FXR1: variants seen among roughly 807,000 people sequenced by gnomAD.
FXR1 encodes RNA-binding protein FXR1.
Under a neutral mutation model 84.0 loss-of-function variants are expected in FXR1, and 15 were observed. The ratio of observed to expected loss-of-function variants is 0.18; its 90% CI spans 0.12 to 0.27. The LOEUF is 0.27. Among genes scored for constraint, FXR1 ranks in the 10% least tolerant of loss-of-function variants. FXR1 has a pLI of 1.00. For missense variants in FXR1, 480 were observed against 774.4 expected, an observed-to-expected ratio of 0.62 and a Z score of 4.51; for synonymous variants, 245 against 250.7, an observed-to-expected ratio of 0.98 and a Z score of 0.21.
chr3:180,934,378 C>T (rs767035332), intron 2 of FXR1, among the ~76,000 whole-genome samples: 1 of 152,098 alleles, frequency 6.6e-6, no homozygotes, highest in Non-Finnish European at 1.5e-5. Flanking sequence ...TAGTATACTT[C>T]CCAGACATAT....
intron 13 of FXR1, among the ~76,000 whole-genome samples, chr3:180,965,021 C>CA (rs1712634069): frequency 6.9e-6 from 1 of 145,458 alleles, no homozygotes; most frequent in Admixed American, 6.9e-5. Context: ...TGTTTTGTTA[C>CA]TTTTTTTTTT....
At chr3:180,931,026 C>CA (rs57731098) in intron 1 of FXR1, among the ~76,000 whole-genome samples, 4,243 of 55,458 alleles carry the variant, frequency 0.077, 336 homozygotes, top group East Asian at 0.16. Flanking sequence ...GAGACTGCCT[C>CA]AAAAAAAAAA....
At chr3:180,968,774 T>C (rs1479282532) in intron 14 of FXR1, among the ~76,000 whole-genome samples, 1 of 152,316 alleles carries the variant, frequency 6.6e-6, no homozygotes, top group African/African-American at 2.4e-5. Context: ...AGTGTTTGGA[T>C]GACTAAAGAT....
At chr3:180,925,218 G>A (rs890677660) in intron 1 of FXR1, among the ~76,000 whole-genome samples, 5 of 151,966 alleles carry the variant, frequency 3.3e-5, no homozygotes, top group African/African-American at 4.8e-5. Flanking sequence ...AAAGTTAGCC[G>A]GGCATGGTGG....
intron 10 of FXR1, among the ~76,000 whole-genome samples, chr3:180,959,026 T>A (rs1277912174): frequency 1.3e-5 from 2 of 152,110 alleles, no homozygotes; most frequent in Non-Finnish European, 2.9e-5. Flanking sequence ...CAGGATGGTC[T>A]CGATCTCTTG....
rs1286770302 is a variant in FXR1, at chr3:180,977,842, A to G, written c.*1550A>G. ...TAATTCAGGGTATAGTTAAAAATGT[A>G]CAATGTGCCAGTTCAGTATATATAA... On this transcript the variant is annotated 3_prime_UTR_variant, in exon 17 of 17. Transcript: ENST00000357559. 6.6e-6 allele frequency: 1 copy of G among 152,110 alleles called. No individual in the cohort carries two copies. The highest frequency in any genetic ancestry group is 1.5e-5 in the Non-Finnish European group (1 of 67,976). 9.4% of individuals were successfully genotyped at this position (152,110 alleles called of 1,614,324 possible). A position where few individuals can be genotyped will look rare whatever the true frequency, so the allele number is the denominator to read the frequency against.
At chr3:180,924,795 A>G (rs919267932) in intron 1 of FXR1, among the ~76,000 whole-genome samples, 3 of 152,110 alleles carry the variant, frequency 2.0e-5, no homozygotes, top group South Asian at 2.1e-4. Flanking sequence ...CCTGGCCTCA[A>G]TGCAATTTCA....
intron 1 of FXR1, among the ~76,000 whole-genome samples, chr3:180,931,131 A>G (rs1249119651): frequency 6.6e-6 from 1 of 152,032 alleles, no homozygotes; most frequent in African/African-American, 2.4e-5. Context: ...AGCCTGAACT[A>G]CAGTGGCAAC....
intron 10 of FXR1, among the ~76,000 whole-genome samples, chr3:180,959,567 A>G (rs1711822394): frequency 6.6e-6 from 1 of 152,104 alleles, no homozygotes; most frequent in African/African-American, 2.4e-5. Flanking sequence ...ATGAGTATTA[A>G]ATCAAATACA....
intron 8 of FXR1, among the ~76,000 whole-genome samples, chr3:180,953,093 T>C (rs893790868): frequency 1.3e-5 from 2 of 152,170 alleles, no homozygotes; most frequent in African/African-American, 4.8e-5. Context: ...TCCTCCTATA[T>C]TGGCCTCCCA....
chr3:180,949,742 C>G (rs1326081309), intron 7 of FXR1, among the ~76,000 whole-genome samples: 2 of 152,188 alleles, frequency 1.3e-5, no homozygotes, highest in African/African-American at 4.8e-5. Context: ...CCCAGGACCT[C>G]TGTTTCGTGA....
rs1275706987 is a variant in FXR1, at chr3:180,981,576, C to T, written c.*5284C>T. ...AGGCAAGGGAAGAGGCTAAGTGACT[C>T]ACAAAAATCTCTGATATTGAGGTCT... On this transcript the variant is annotated 3_prime_UTR_variant, in exon 17 of 17. Transcript: ENST00000357559. 6.6e-6 allele frequency: 1 copy of T among 152,042 alleles called. No individual in the cohort carries two copies. The highest frequency in any genetic ancestry group is 2.4e-5 in the African/African-American group (1 of 41,420). 9.4% of individuals were successfully genotyped at this position (152,042 alleles called of 1,614,324 possible).
At chr3:180,975,532 A>G (rs558798873) in intron 16 of FXR1, 128 bp downstream of exon 16, 77 of 463,402 alleles carry the variant, frequency 1.7e-4, no homozygotes, top group African/African-American at 1.5e-3. Context: ...TTAGTTAAAG[A>G]CTCTTGAATA....
chr3:180,915,062 G>A (rs1717720450), intron 1 of FXR1: 1 of 315,364 alleles, frequency 3.2e-6, no homozygotes, highest in Non-Finnish European at 4.6e-6. Flanking sequence ...CTAACATGAG[G>A]GGCTTGAAGT....
At position 180,963,100 on chromosome 3, in the gene FXR1, A is replaced by T; in HGVS notation, c.1198+10A>T. The T allele has an allele frequency of 7.8e-7, 1 of 1,278,674 alleles. No homozygotes were observed. Among genetic ancestry groups the T allele is most frequent in the Non-Finnish European group, 1.1e-6 (1 of 902,328 alleles). 79.2% of individuals were successfully genotyped at this position (1,278,674 alleles called of 1,614,324 possible). A position where few individuals can be genotyped will look rare whatever the true frequency, so the allele number is the denominator to read the frequency against. On this transcript the variant is annotated intron_variant, in intron 13 of 16. Transcript: ENST00000357559. ...TACACCTCCGGTTATGGTAAAAAAAAATTTTTTTTTTTTTTTTTTGGTAAT... is the reference window on the plus strand; with the variant it reads ...TACACCTCCGGTTATGGTAAAAAAATATTTTTTTTTTTTTTTTTTGGTAAT...
chr3:180,946,693 C>T (rs1017960824), intron 3 of FXR1, among the ~76,000 whole-genome samples: 7 of 152,146 alleles, frequency 4.6e-5, no homozygotes, highest in Non-Finnish European at 1.0e-4. Context: ...ATTTCCAGTT[C>T]CAGTATTCCT....
In FXR1 at chr3:180,947,846, C is replaced by T. The variant is rs2108464636; in HGVS notation, c.199-19C>T. ...ATCTTTTGGGATGAATGGATATAGGCATTTTTTTTTCTTCTCAGGTATATT... is the reference window on the plus strand; with the variant it reads ...ATCTTTTGGGATGAATGGATATAGGTATTTTTTTTTCTTCTCAGGTATATT... On this transcript the variant is annotated intron_variant, in intron 3 of 16. Transcript: ENST00000357559. The T allele has an allele frequency of 6.7e-7, 1 of 1,484,142 alleles. No homozygotes were observed. Among genetic ancestry groups the T allele is most frequent in the Non-Finnish European group, 9.3e-7 (1 of 1,075,756 alleles). The allele number at this position is 1,484,142 out of a possible 1,614,324, so 91.9% of individuals were successfully genotyped here. A position where few individuals can be genotyped will look rare whatever the true frequency, so the allele number is the denominator to read the frequency against.
At chr3:180,974,693 C>T (rs1027300851) in intron 15 of FXR1, among the ~76,000 whole-genome samples, 10 of 152,060 alleles carry the variant, frequency 6.6e-5, no homozygotes, top group Admixed American at 5.2e-4. Context: ...CCACTCTGAT[C>T]AATGTCCACA....
chr3:180,967,665 T>A (rs182054150), intron 13 of FXR1, among the ~76,000 whole-genome samples: 2,300 of 152,162 alleles, frequency 0.015, 27 homozygotes, highest in Non-Finnish European at 0.024. Flanking sequence ...GTTTTTTTTT[T>A]AACTTCCATG....
Sources: gnomAD v4.1 joint callset for allele counts (sites outside exome capture counted in the v4.1 genomes callset) on GRCh38, gnomAD v4.1.1 for gene constraint, MANE v1.5 for transcripts, NCBI Gene and HGNC (gene_info 2026-07-23, HGNC 2026-07-21) for gene names.